The following DPYD variants were observed in gnomAD, a reference collection of about 807,000 sequenced individuals.
DPYD encodes the protein dihydropyrimidine dehydrogenase.
DPYD carries 109 observed loss-of-function variants against 116.2 expected under a neutral mutation model. That is an observed-to-expected ratio of 0.94 (90% CI 0.80 to 1.10). The LOEUF (loss-of-function observed/expected upper bound fraction) is 1.10, where lower values mean the gene tolerates loss of function less well. Ranked by LOEUF, DPYD falls within the 50% of genes least tolerant of loss-of-function variation. The pLI is 0.00. For missense variants in DPYD, 1,302 were observed against 1,254.5 expected (o/e 1.04, Z -0.57); for synonymous variants, 440 against 432.0 (o/e 1.02, Z -0.23).
In DPYD at chr1:97,515,470, T is replaced by G. The variant is rs550803089; in HGVS notation, c.1740+256A>C. On this transcript the variant is annotated intron_variant, in intron 13 of 22. Transcript: ENST00000370192. ...TACAAAAATAAGAGTTTGAGATTAT[T>G]AAATGAAAAAGTCACTTTCATAATA... Among the ~76,000 whole-genome samples, 12 of 152,088 alleles carry G rather than the reference T, an allele frequency of 7.9e-5. No homozygotes were observed. In the East Asian group the frequency reaches 2.3e-3, roughly 29 times the overall value.
chr1:97,847,605 T>C (rs183754277), intron 2 of DPYD, among the ~76,000 whole-genome samples: 10 of 152,290 alleles, frequency 6.6e-5, no homozygotes, highest in Admixed American at 4.6e-4. Context: ...CTGATACTTA[T>C]TGACAATTAT....
chr1:97,523,945 T>C (rs527887795), intron 12 of DPYD, among the ~76,000 whole-genome samples: 2 of 152,232 alleles, frequency 1.3e-5, no homozygotes, highest in East Asian at 3.9e-4. Flanking sequence ...ACTGTACACT[T>C]AAAGATGTCT....
intron 1 of DPYD, among the ~76,000 whole-genome samples, chr1:97,912,345 G>C (rs891857920): frequency 2.6e-5 from 4 of 152,074 alleles, no homozygotes; most frequent in Non-Finnish European, 5.9e-5. Flanking sequence ...GTAAATGTAT[G>C]ATAATAAGAG....
chr1:97,260,253 C>G (rs1663790965), intron 18 of DPYD, among the ~76,000 whole-genome samples: 1 of 152,110 alleles, frequency 6.6e-6, no homozygotes, highest in East Asian at 1.9e-4. Context: ...GTGAAGACTT[C>G]TTGTTATAAA....
intron 18 of DPYD, among the ~76,000 whole-genome samples, chr1:97,244,593 T>C (rs1570747440): frequency 6.6e-6 from 1 of 152,072 alleles, no homozygotes; most frequent in Non-Finnish European, 1.5e-5. Context: ...GTATCATATG[T>C]ACTCTCTTTG....
At chr1:97,107,487 G>T (rs1308948890) in intron 20 of DPYD, among the ~76,000 whole-genome samples, 1 of 152,052 alleles carries the variant, frequency 6.6e-6, no homozygotes, top group Non-Finnish European at 1.5e-5. Flanking sequence ...AAAAATGGCT[G>T]AGAGGGGATT....
At chr1:97,354,208 T>A (rs968943560) in intron 16 of DPYD, among the ~76,000 whole-genome samples, 5 of 152,202 alleles carry the variant, frequency 3.3e-5, no homozygotes, top group Admixed American at 3.3e-4. Context: ...GTTCGCCATT[T>A]GGTCATAGGC....
intron 1 of DPYD, among the ~76,000 whole-genome samples, chr1:97,913,618 T>G (rs1265523218): frequency 6.6e-6 from 1 of 152,164 alleles, no homozygotes; most frequent in Non-Finnish European, 1.5e-5. Context: ...TCACACGACC[T>G]TTTCATTAGG....
At chr1:97,305,138 T>A (rs112042653) in intron 18 of DPYD, 121 bp downstream of exon 18, 2 of 1,398,070 alleles carry the variant, frequency 1.4e-6, no homozygotes, top group Non-Finnish European at 2.0e-6. Context: ...ATTAGGAATA[T>A]TGATCAGCTA....
intron 1 of DPYD, among the ~76,000 whole-genome samples, chr1:97,912,405 G>A (rs1330928942): frequency 6.6e-5 from 10 of 152,190 alleles, no homozygotes; most frequent in Non-Finnish European, 7.4e-5. Flanking sequence ...ATGTTACGCC[G>A]TGACTTAAAA....
chr1:97,347,187 T>C (rs971781407), intron 16 of DPYD, among the ~76,000 whole-genome samples: 3 of 152,018 alleles, frequency 2.0e-5, no homozygotes, highest in African/African-American at 7.2e-5. Flanking sequence ...CAGGCACCCT[T>C]GTTTTATTTC....
At chr1:97,665,503 TAGTC>T (rs1412691783) in intron 8 of DPYD, among the ~76,000 whole-genome samples, 5 of 152,286 alleles carry the variant, frequency 3.3e-5, no homozygotes, top group African/African-American at 7.2e-5. Context: ...AAAATTGAAT[TAGTC>T]AGTCTTGAAT....
chr1:97,367,297 T>TA (rs1385850067), intron 16 of DPYD, among the ~76,000 whole-genome samples: 1 of 151,732 alleles, frequency 6.6e-6, no homozygotes, highest in Non-Finnish European at 1.5e-5. Flanking sequence ...AAAAAAAACA[T>TA]ACAGTTTTAT....
intron 13 of DPYD, among the ~76,000 whole-genome samples, chr1:97,461,373 T>C (rs1415756136): frequency 1.3e-5 from 2 of 152,176 alleles, no homozygotes; most frequent in Admixed American, 6.5e-5. Context: ...ATTCCAATCA[T>C]AAAAACTTTG....
chr1:97,655,547 G>C (rs979712005), intron 8 of DPYD, among the ~76,000 whole-genome samples: 1 of 152,076 alleles, frequency 6.6e-6, no homozygotes, highest in African/African-American at 2.4e-5. Flanking sequence ...GTTTTGTTTT[G>C]CTTTGCTTTT....
In DPYD at chr1:97,515,594, T is replaced by G. The variant is rs1487619874; in HGVS notation, c.1740+132A>C. On this transcript the variant is annotated intron_variant, in intron 13 of 22. Coordinates refer to ENST00000370192, the MANE Select transcript of DPYD (RefSeq NM_000110.4). ...AGGAAGGAAAGAAACTAAAGATTAA[T>G]GTGTAATGATAGGTCTTGTCAAATA... 3.8e-6 allele frequency: 3 copies of G among 780,508 alleles called. No homozygotes were observed. The African/African-American group carries it at 5.3e-5, about 14-fold the overall frequency. 48.3% of individuals were successfully genotyped at this position (780,508 alleles called of 1,614,324 possible).
intron 18 of DPYD, among the ~76,000 whole-genome samples, chr1:97,251,009 A>T (rs1663047943): frequency 1.3e-5 from 2 of 152,222 alleles, no homozygotes; most frequent in African/African-American, 4.8e-5. Context: ...CATCTCCTAT[A>T]TGAATCCACT....
chr1:97,327,537 A>G (rs2101143185), intron 16 of DPYD, among the ~76,000 whole-genome samples: 1 of 152,122 alleles, frequency 6.6e-6, no homozygotes, highest in East Asian at 1.9e-4. Flanking sequence ...ATAGAAATAA[A>G]ATTAAAAAGG....
chr1:97,380,504 C>A (rs1056372101), intron 15 of DPYD, among the ~76,000 whole-genome samples: 1 of 152,186 alleles, frequency 6.6e-6, no homozygotes, highest in Non-Finnish European at 1.5e-5. Context: ...CCATATGTGT[C>A]ATTTCTGTTT....
Sources: allele counts gnomAD v4.1 joint callset (sites outside exome capture counted in the v4.1 genomes callset), GRCh38; gene constraint gnomAD v4.1.1; transcripts MANE v1.5; gene names NCBI Gene and HGNC (gene_info 2026-07-23, HGNC 2026-07-21).